PPP1R16A: variants seen among roughly 807,000 people sequenced by gnomAD.
PPP1R16A encodes myosin phosphatase-targeting subunit 3.
Under a neutral mutation model 46.6 loss-of-function variants are expected in PPP1R16A, and 39 were observed. The ratio of observed to expected loss-of-function variants is 0.84; its 90% CI spans 0.65 to 1.09. The LOEUF (loss-of-function observed/expected upper bound fraction) is 1.09. Ranked by LOEUF, PPP1R16A falls within the 50% of genes least tolerant of loss-of-function variation. The pLI, the probability that PPP1R16A is intolerant of heterozygous loss-of-function variation, is 0.00. For synonymous variants in PPP1R16A, 413 were observed against 321.5 expected (o/e 1.28, Z -3.04); for missense variants, 798 against 735.6 (o/e 1.08, Z -0.98).
At chr8:144,494,762 G>T (rs1825975848) in intron 2 of PPP1R16A, among the ~76,000 whole-genome samples, 1 of 152,170 alleles carries the variant, frequency 6.6e-6, no homozygotes, top group African/African-American at 2.4e-5. Context: ...ATGACAGAAA[G>T]GTGAGGATCT....
At chr8:144,482,565 CT>C (rs1286986669) in intron 1 of PPP1R16A, among the ~76,000 whole-genome samples, 1 of 151,766 alleles carries the variant, frequency 6.6e-6, no homozygotes, top group Non-Finnish European at 1.5e-5. Flanking sequence ...GCATTTCTCC[CT>C]GCCTCAACCT....
intron 1 of PPP1R16A, among the ~76,000 whole-genome samples, chr8:144,481,251 A>G (rs575977822): frequency 5.3e-5 from 8 of 152,176 alleles, no homozygotes; most frequent in African/African-American, 1.9e-4. Context: ...TTGCCCCCAA[A>G]AGTTCTCTCG....
intron 11 of PPP1R16A, 22 bp from the exon 12 acceptor site, chr8:144,501,498 C>T: frequency 1.3e-6 from 2 of 1,519,938 alleles, no homozygotes; most frequent in African/African-American, 2.8e-5. Flanking sequence ...CCTGATGGCT[C>T]TGGGACCTTC....
At chr8:144,495,136 C>T (rs1398121863) in intron 2 of PPP1R16A, among the ~76,000 whole-genome samples, 1 of 152,194 alleles carries the variant, frequency 6.6e-6, no homozygotes, top group Admixed American at 6.5e-5. Context: ...GCCGTGTCCT[C>T]AGGAAGCCTC....
In PPP1R16A at chr8:144,496,692, TCCCAGGCCCCA is replaced by T. The variant is rs1826083275; in HGVS notation, c.-495_-485del. The T allele has an allele frequency of 5.1e-6, 1 of 194,758 alleles. No individual in the cohort carries two copies. Among genetic ancestry groups the T allele is most frequent in the Admixed American group, 5.6e-5 (1 of 17,828 alleles). The allele number at this position is 194,758 out of a possible 1,614,324, so 12.1% of individuals were successfully genotyped here. ...GGGTTGGGGGCTGGGTCATGGCTGC[TCCCAGGCCCCA>T]CCCAGGCTCCTGAGCCTAGAAGGTG... On this transcript the variant is annotated 5_prime_UTR_variant, in exon 3 of 12. It removes the in-frame stop codon of an upstream open reading frame in the 5' UTR. Transcript: ENST00000435887.
chr8:144,478,307 G>A (rs1825260082), intron 1 of PPP1R16A, 180 bp downstream of exon 1: 2 of 381,558 alleles, frequency 5.2e-6, no homozygotes, highest in Non-Finnish European at 9.3e-6. Context: ...GGGAGGAGGA[G>A]GAGACCGAAG....
chr8:144,478,725 T>C (rs1432655403), intron 1 of PPP1R16A: 1 of 152,258 alleles, frequency 6.6e-6, no homozygotes, highest in Admixed American at 6.5e-5. Context: ...ACCTCACTTG[T>C]AGTGCGGGGC....
intron 1 of PPP1R16A, among the ~76,000 whole-genome samples, chr8:144,479,653 G>T (rs993306894): frequency 3.9e-5 from 6 of 152,144 alleles, no homozygotes; most frequent in Non-Finnish European, 5.9e-5. Context: ...TGCAGCTTAG[G>T]AACCTCAGTC....
intron 1 of PPP1R16A, among the ~76,000 whole-genome samples, chr8:144,485,665 C>T (rs2130237792): frequency 6.6e-6 from 1 of 152,310 alleles, no homozygotes; most frequent in Non-Finnish European, 1.5e-5. Flanking sequence ...GGGATGTTGA[C>T]ACCAATGTGC....
chr8:144,495,361 A>G (rs1234146181), intron 2 of PPP1R16A: 1 of 151,862 alleles, frequency 6.6e-6, no homozygotes, highest in Non-Finnish European at 1.5e-5. Context: ...GTAGATGGCC[A>G]TGAGGCCTGG....
At chr8:144,478,443 G>A (rs1187503319) in intron 1 of PPP1R16A, 1 of 278,996 alleles carries the variant, frequency 3.6e-6, no homozygotes, top group Non-Finnish European at 6.7e-6. Context: ...TGAGGCCCAG[G>A]GCAGCAGGTG....
chr8:144,488,795 G>T (rs1462177435), intron 1 of PPP1R16A, among the ~76,000 whole-genome samples: 1 of 152,004 alleles, frequency 6.6e-6, no homozygotes, highest in Admixed American at 6.5e-5. Context: ...CCAGGCCTCA[G>T]CCAGGAGCAC....
intron 1 of PPP1R16A, among the ~76,000 whole-genome samples, chr8:144,481,136 C>T (rs1402864932): frequency 6.0e-5 from 9 of 148,802 alleles, no homozygotes; most frequent in African/African-American, 1.2e-4. Context: ...GTGATCCGCC[C>T]GCCTCGGCCT....
At chr8:144,490,408 A>G (rs1391420547) in intron 2 of PPP1R16A, among the ~76,000 whole-genome samples, 196 bp downstream of exon 2, 2 of 152,162 alleles carry the variant, frequency 1.3e-5, no homozygotes, top group East Asian at 3.9e-4. Context: ...TGGGAGACTT[A>G]GGCAGGAGAA....
rs767790104 is a variant in PPP1R16A at position 144,500,298 on chromosome 8, G to C, written c.612G>C (p.Arg204=). 1.6e-5 allele frequency: 25 copies of C among 1,544,648 alleles called. No individual in the cohort carries two copies. The highest frequency in any genetic ancestry group is 2.0e-5 in the Admixed American group (1 of 51,080). The change falls in exon 7 of 12, where the codon CGG becomes CGC. Residue 204 remains arginine (R), a synonymous_variant. Coordinates refer to ENST00000435887, the MANE Select transcript of PPP1R16A (RefSeq NM_001329443.2). ...GITQDSIEAA[R]AVPELRMLDD... The stretch of plus-strand genomic sequence containing the variant: ...CCCAGGACAGCATCGAGGCCGCCCG[G>C]GCCGTGCCAGAACTGCGCATGCTGG...
At chr8:144,483,707 C>CT (rs11392862) in intron 1 of PPP1R16A, among the ~76,000 whole-genome samples, 61,209 of 143,466 alleles carry the variant, frequency 0.43, 13,610 homozygotes, top group South Asian at 0.58. Flanking sequence ...CGCCCGGTCT[C>CT]TTTTTTTTTT....
chr8:144,500,038 G>T lies in PPP1R16A; in HGVS notation c.477-58G>T, dbSNP rs943351225. ...CCCTGGCGGGGACTTCTCCAAGTGA[G>T]GAGCCTGGCAAGCGGGGAAGGGCCT... On this transcript the variant is annotated intron_variant, in intron 5 of 11. Coordinates refer to ENST00000435887, the MANE Select transcript of PPP1R16A (RefSeq NM_001329443.2). 4 of 1,536,472 alleles carry T rather than the reference G, an allele frequency of 2.6e-6. No homozygotes were observed. The African/African-American group carries it at 5.5e-5, about 21-fold the overall frequency.
At chr8:144,498,183 G>A (rs575501026) in intron 3 of PPP1R16A, 259 of 431,946 alleles carry the variant, frequency 6.0e-4, no homozygotes, top group Non-Finnish European at 9.1e-4. Flanking sequence ...GGGAAGAGGC[G>A]GAGGGTGCCA....
In PPP1R16A at chr8:144,501,949, GGCTGCCTCC is replaced by G. The variant is rs775046438; in HGVS notation, c.*47_*55del. On this transcript the variant is annotated 3_prime_UTR_variant, in exon 12 of 12. Coordinates refer to ENST00000435887, the MANE Select transcript of PPP1R16A (RefSeq NM_001329443.2). ...GGGCCCTGTCGCGGGCACAGCCCAA[GGCTGCCTCC>G]CCACGGTGCGTGCCCTGGTGCTGCG... The G allele has an allele frequency of 6.8e-7, 1 of 1,467,122 alleles. No homozygotes were observed. The highest frequency in any genetic ancestry group is 9.0e-7 in the Non-Finnish European group (1 of 1,111,486). 90.9% of individuals were successfully genotyped at this position (1,467,122 alleles called of 1,614,324 possible). A position where few individuals can be genotyped will look rare whatever the true frequency, so the allele number is the denominator to read the frequency against.
Sources: allele counts gnomAD v4.1 joint callset (sites outside exome capture counted in the v4.1 genomes callset), GRCh38; gene constraint gnomAD v4.1.1; transcripts MANE v1.5; gene names NCBI Gene and HGNC (gene_info 2026-07-23, HGNC 2026-07-21).